The following PALS1 variants were observed in gnomAD, a reference collection of about 807,000 sequenced individuals.
PALS1 encodes the protein protein PALS1.
Under a neutral mutation model 78.9 loss-of-function variants are expected in PALS1, and 31 were observed. The observed-to-expected ratio is 0.39, with a 90% CI of 0.30 to 0.53. The LOEUF (loss-of-function observed/expected upper bound fraction) is 0.53. PALS1 is among the 20% of genes least tolerant of loss of function. The pLI is 0.67. For missense variants in PALS1, 704 were observed against 826.5 expected (o/e 0.85, Z 1.82); for synonymous variants, 276 against 270.9 (o/e 1.02, Z -0.18).
intron 9 of PALS1, among the ~76,000 whole-genome samples, chr14:67,316,067 TC>T (rs1199589399): frequency 2.0e-5 from 3 of 152,214 alleles, no homozygotes; most frequent in Non-Finnish European, 4.4e-5. Context: ...TTTAAGAATC[TC>T]TGGCTTTACA....
At chr14:67,279,866 T>A (rs1377475271) in intron 3 of PALS1, 1 of 256,578 alleles carries the variant, frequency 3.9e-6, no homozygotes, top group Non-Finnish European at 7.3e-6. Context: ...AAAAGAATTT[T>A]CAGATTTTGA....
intron 1 of PALS1, among the ~76,000 whole-genome samples, chr14:67,243,414 C>T (rs2140393506): frequency 6.6e-6 from 1 of 151,622 alleles, no homozygotes; most frequent in Admixed American, 6.6e-5. Context: ...CCTCGAACTC[C>T]TGACCTCAGG....
At chr14:67,309,136 ATAT>A in intron 8 of PALS1, among the ~76,000 whole-genome samples, 1 of 152,298 alleles carries the variant, frequency 6.6e-6, no homozygotes, top group East Asian at 1.9e-4. Flanking sequence ...TACTGTTCTG[ATAT>A]TATTATAGCA....
Position 67,329,562 on chromosome 14 carries a change from C to G in PALS1, c.1852-3218C>G, listed in dbSNP as rs532031178. Among the ~76,000 whole-genome samples the G allele has an allele frequency of 5.3e-5, 8 of 152,268 alleles. No individual in the cohort carries two copies. The East Asian group carries it at 1.5e-3, about 29-fold the overall frequency. ...GGCATCCCTGTCTTGCGCCAGTTTT[C>G]AAAGGGAATGCTTCCAGTTTTTGTC... On this transcript the variant is annotated intron_variant, in intron 14 of 14. Coordinates refer to ENST00000261681, the MANE Select transcript of PALS1 (RefSeq NM_022474.4).
chr14:67,327,827 T>C (rs994352396), intron 14 of PALS1, among the ~76,000 whole-genome samples: 1 of 152,252 alleles, frequency 6.6e-6, no homozygotes, highest in African/African-American at 2.4e-5. Flanking sequence ...ACTCATCCTT[T>C]TTTTGGCTGC....
At chr14:67,323,232 C>CATGTGTGTAT (rs57594216) in intron 13 of PALS1, among the ~76,000 whole-genome samples, 5,977 of 143,534 alleles carry the variant, frequency 0.042, 223 homozygotes, top group African/African-American at 0.096. Context: ...CATATATACA[C>CATGTGTGTAT]GTGTGTGTGT....
chr14:67,286,151 C>G (rs530795042), intron 3 of PALS1, among the ~76,000 whole-genome samples: 1 of 152,330 alleles, frequency 6.6e-6, no homozygotes, highest in South Asian at 2.1e-4. Context: ...GCTAGATTTG[C>G]TATGCCTGCC....
intron 9 of PALS1, among the ~76,000 whole-genome samples, chr14:67,316,112 A>T (rs1011744637): frequency 3.9e-5 from 6 of 152,224 alleles, no homozygotes; most frequent in Non-Finnish European, 1.5e-5. Context: ...TAAAATAAAA[A>T]AGTGGAACCT....
chr14:67,248,297 G>A (rs986305084), intron 1 of PALS1, among the ~76,000 whole-genome samples: 3 of 151,844 alleles, frequency 2.0e-5, no homozygotes, highest in African/African-American at 7.3e-5. Flanking sequence ...GAGGTGGGAG[G>A]GTCGCTTGAG....
chr14:67,297,988 C>T (rs562571721), intron 4 of PALS1, among the ~76,000 whole-genome samples: 1 of 152,234 alleles, frequency 6.6e-6, no homozygotes, highest in African/African-American at 2.4e-5. Flanking sequence ...CTAGTATAAT[C>T]ACAGTTGTTG....
chr14:67,305,354 C>T (rs2140910012), intron 8 of PALS1, among the ~76,000 whole-genome samples: 1 of 152,076 alleles, frequency 6.6e-6, no homozygotes, highest in East Asian at 1.9e-4. Flanking sequence ...GATCACGACT[C>T]CTGCAGCCTT....
In PALS1 at chr14:67,251,538, C is replaced by CA. The variant is rs543802938; in HGVS notation, c.-237+10014dup. On this transcript the variant is annotated intron_variant, in intron 1 of 14. Transcript: ENST00000261681. The stretch of plus-strand genomic sequence containing the variant: ...ACAGCAACAGAACGAGAACCTGTCT[C>CA]AAAAAAAAAGTAGTTGAATTAAAGT... Among the ~76,000 whole-genome samples, 208 of 149,924 alleles carry CA rather than the reference C, an allele frequency of 1.4e-3. 7 individuals are homozygous for CA. The South Asian group carries it at 0.042, about 30-fold the overall frequency.
intron 1 of PALS1, among the ~76,000 whole-genome samples, chr14:67,244,492 C>T (rs544514733): frequency 1.3e-5 from 2 of 152,270 alleles, no homozygotes; most frequent in South Asian, 2.1e-4. Context: ...AAATATTTAA[C>T]TCTAATTTAC....
intron 1 of PALS1, among the ~76,000 whole-genome samples, chr14:67,260,773 A>G (rs1167416667): frequency 2.0e-5 from 3 of 152,354 alleles, no homozygotes; most frequent in Non-Finnish European, 2.9e-5. Context: ...AGAGTTGACT[A>G]TTAAATTAAT....
intron 8 of PALS1, among the ~76,000 whole-genome samples, chr14:67,309,250 A>G (rs2085053070): frequency 6.6e-6 from 1 of 152,202 alleles, no homozygotes; most frequent in South Asian, 2.1e-4. Context: ...TGACACTAGC[A>G]GGAAAGATTG....
At chr14:67,297,936 A>G (rs910994367) in intron 4 of PALS1, among the ~76,000 whole-genome samples, 4 of 152,216 alleles carry the variant, frequency 2.6e-5, no homozygotes. Context: ...AGTACATATT[A>G]TCTAGGCAAA....
rs1190007216 is a variant in PALS1 at position 67,249,812 on chromosome 14, T to C, written c.-237+8279T>C. Among the ~76,000 whole-genome samples the C allele has an allele frequency of 2.6e-5, 4 of 152,230 alleles. No individual in the cohort carries two copies. The South Asian group carries it at 8.3e-4, about 32-fold the overall frequency. ...CATTATTTTGTTTTGATGTAAGAAG[T>C]AGGCAATCTGTATTTTGCTTGTGTG... On this transcript the variant is annotated intron_variant, in intron 1 of 14. Coordinates refer to ENST00000261681, the MANE Select transcript of PALS1 (RefSeq NM_022474.4).
intron 1 of PALS1, among the ~76,000 whole-genome samples, chr14:67,256,529 AC>A (rs2084147621): frequency 6.6e-6 from 1 of 152,168 alleles, no homozygotes; most frequent in Non-Finnish European, 1.5e-5. Flanking sequence ...TAAATGAGAT[AC>A]TTTATATCCT....
intron 13 of PALS1, among the ~76,000 whole-genome samples, chr14:67,322,341 C>T (rs1213230107): frequency 6.6e-6 from 1 of 152,106 alleles, no homozygotes; most frequent in East Asian, 1.9e-4. Flanking sequence ...GAGTGAGACT[C>T]TGTCTGAAAA....
Sources: allele counts gnomAD v4.1 joint callset (sites outside exome capture counted in the v4.1 genomes callset), GRCh38; gene constraint gnomAD v4.1.1; transcripts MANE v1.5; gene names NCBI Gene and HGNC (gene_info 2026-07-23, HGNC 2026-07-21).